Variants in CIITA observed in about 807,000 individuals in gnomAD.
The protein encoded by CIITA is class II major histocompatibility complex transactivator, also known as MHC class II transactivator.
Under a neutral mutation model 115.1 loss-of-function variants are expected in CIITA, and 72 were observed. The observed-to-expected ratio is 0.63, with a 90% CI of 0.52 to 0.76. The LOEUF is 0.76. Among genes scored for constraint, CIITA ranks in the 30% least tolerant of loss-of-function variants. The probability of loss-of-function intolerance (pLI) is 0.00; values close to 1 mark genes in which losing one functional copy is unlikely to be tolerated. For synonymous variants in CIITA, 763 were observed against 635.6 expected (o/e 1.20, Z -3.02); for missense variants, 1,617 against 1,463.8 (o/e 1.10, Z -1.71).
intron 1 of CIITA, among the ~76,000 whole-genome samples, chr16:10,892,302 C>T (rs570345158): frequency 1.3e-4 from 20 of 151,050 alleles, no homozygotes; most frequent in African/African-American, 2.7e-4. Flanking sequence ...CCAGCCTGGG[C>T]GACAGAGTGA....
rs921936727 is a variant in CIITA at position 10,883,040 on chromosome 16, G to T, written c.52+5658G>T. Among the ~76,000 whole-genome samples the T allele has an allele frequency of 1.4e-4, 21 of 152,272 alleles. No homozygotes were observed. In the East Asian group the frequency reaches 3.1e-3, roughly 22 times the overall value. On this transcript the variant is annotated intron_variant, in intron 1 of 19. Coordinates refer to ENST00000324288, the MANE Select transcript of CIITA (RefSeq NM_000246.4). ...TCACAGCCAAGCCTGCCGATGGCTG[G>T]ACTCCGTAGTCAGATCTCAGCAAGC...
Position 10,900,845 on chromosome 16 carries a change from G to C in CIITA, c.437-669G>C, listed in dbSNP as rs188383378. 5.9e-4 allele frequency among the ~76,000 whole-genome samples: 90 copies of C among 152,166 alleles called. 1 individual carries two copies. Among genetic ancestry groups the C allele is most frequent in the Middle Eastern group, 6.8e-3 (2 of 294 alleles). On this transcript the variant is annotated intron_variant, in intron 5 of 19. Coordinates refer to ENST00000324288, the MANE Select transcript of CIITA (RefSeq NM_000246.4). The stretch of plus-strand genomic sequence containing the variant: ...ATTTTGATTCTACAATTAATGTTGG[G>C]TTTTATTCATCTTATCACATCTCTA...
chr16:10,918,710 G>C (rs8056269), intron 16 of CIITA, among the ~76,000 whole-genome samples, 184 bp downstream of exon 16: 92,483 of 152,120 alleles, frequency 0.61, 28,488 homozygotes, highest in East Asian at 0.79. Flanking sequence ...ATTCCTAGCC[G>C]CTGTTTTCTT....
At chr16:10,887,652 C>A (rs577729248) in intron 1 of CIITA, among the ~76,000 whole-genome samples, 1 of 152,172 alleles carries the variant, frequency 6.6e-6, no homozygotes, top group African/African-American at 2.4e-5. Context: ...CCCACCACCA[C>A]GCCCAGCTCA....
In CIITA at chr16:10,877,639, C is replaced by T. The variant is rs144848955; in HGVS notation, c.52+257C>T. Among the ~76,000 whole-genome samples the T allele has an allele frequency of 2.9e-3, 443 of 152,290 alleles. 1 individual carries two copies. Among genetic ancestry groups the T allele is most frequent in the Non-Finnish European group, 5.2e-3 (352 of 68,030 alleles). On this transcript the variant is annotated intron_variant, in intron 1 of 19. Transcript: ENST00000324288. ...CGAAAGGTTCTAGAAGTCAGACTTT[C>T]GGGCAGTGTGTCACTAACTCTCAGC... is the stretch of plus-strand genomic sequence containing the variant.
At chr16:10,866,877 A>T (rs1170214295) in intron 1 of CIITA, among the ~76,000 whole-genome samples, 2 of 152,182 alleles carry the variant, frequency 1.3e-5, no homozygotes, top group African/African-American at 4.8e-5. Context: ...GGATGGACAG[A>T]TCAGCTCCTG....
At chr16:10,908,257 G>T in intron 11 of CIITA, 108 bp downstream of exon 11, 1 of 1,308,818 alleles carries the variant, frequency 7.6e-7, no homozygotes, top group Non-Finnish European at 1.1e-6. Context: ...CAGAGCAGCC[G>T]GGTGGGGCAG....
intron 1 of CIITA, chr16:10,866,428 G>T: frequency 1.8e-6 from 1 of 566,560 alleles, no homozygotes; most frequent in South Asian, 1.4e-5. Flanking sequence ...TCTGCTCCAT[G>T]AGCCTGATAG....
intron 14 of CIITA, 108 bp from the exon 15 acceptor site, chr16:10,916,259 G>C (rs1467107243): frequency 1.0e-5 from 10 of 961,606 alleles, no homozygotes; most frequent in Non-Finnish European, 1.5e-5. Flanking sequence ...ATTAGAGCTG[G>C]GGGGTGGGAA....
At chr16:10,939,353 A>C (rs1194266783), downstream of CIITA, 1 of 152,224 alleles carries the variant, frequency 6.6e-6, no homozygotes, top group Non-Finnish European at 1.5e-5. This position sits in a 1 kb window ranked among gnomAD's most constrained non-coding sequence, Gnocchi z 4.9. Context: ...CAAAATGGGA[A>C]TGGGATTGTG....
chr16:10,881,211 G>A (rs557898908), intron 1 of CIITA, among the ~76,000 whole-genome samples: 4 of 152,060 alleles, frequency 2.6e-5, no homozygotes, highest in South Asian at 2.1e-4. Flanking sequence ...CCCAAGAGGC[G>A]GAGTTTACCC....
chr16:10,895,909 G>A lies in CIITA; in HGVS notation c.295+145G>A, dbSNP rs2144309030. On this transcript the variant is annotated intron_variant, in intron 3 of 19. Transcript: ENST00000324288. The stretch of plus-strand genomic sequence containing the variant: ...AGGGGGATGCGGAGCAATGGCTGGA[G>A]GAACGGAGACTCCAGGGAAGAGAGG... 8 of 835,794 alleles carry A rather than the reference G, an allele frequency of 9.6e-6. No individual in the cohort carries two copies. In the South Asian group the frequency reaches 1.2e-4, roughly 12 times the overall value. 51.8% of individuals were successfully genotyped at this position (835,794 alleles called of 1,614,324 possible).
chr16:10,940,430 A>C (rs563737902), downstream of CIITA: 4 of 152,324 alleles, frequency 2.6e-5, no homozygotes, highest in East Asian at 7.7e-4. This position sits in a 1 kb window ranked among gnomAD's most constrained non-coding sequence, Gnocchi z 4.2. Flanking sequence ...AGAGGGGTGG[A>C]CTCAGCCTGC....
In CIITA at chr16:10,929,580, G is replaced by A; in HGVS notation, c.*5725G>A. 1 of 985,256 alleles carries A rather than the reference G, an allele frequency of 1.0e-6. No individual in the cohort carries two copies. The highest frequency in any genetic ancestry group is 1.2e-6 in the Non-Finnish European group (1 of 829,832). 61.0% of individuals were successfully genotyped at this position (985,256 alleles called of 1,614,324 possible). A position where few individuals can be genotyped will look rare whatever the true frequency, so the allele number is the denominator to read the frequency against. On this transcript the variant is annotated 3_prime_UTR_variant, in exon 20 of 20. Transcript: ENST00000324288. The surrounding 1 kb of genome is among the most constrained non-coding windows in gnomAD (Gnocchi z 4.3). ...CAGGTCTAACAAGAAGGAAAAAGGGGGGTTATTAGCACGGAAGCCCCACCC... is the reference window on the plus strand; with the variant it reads ...CAGGTCTAACAAGAAGGAAAAAGGGAGGTTATTAGCACGGAAGCCCCACCC...
chr16:10,895,278 C>T lies in CIITA; in HGVS notation c.53-4C>T, dbSNP rs2038008926. The T allele has an allele frequency of 6.2e-7, 1 of 1,613,710 alleles. No individual in the cohort carries two copies. The highest frequency in any genetic ancestry group is 1.3e-5 in the African/African-American group (1 of 74,908). On this transcript the variant is annotated splice_polypyrimidine_tract_variant and splice_region_variant and intron_variant, in intron 1 of 19. Coordinates refer to ENST00000324288, the MANE Select transcript of CIITA (RefSeq NM_000246.4). ...AGGTGACTGAGCATTGTCTTCCCTC[C>T]CAGGCAGCTCACAGTGTGCCACCAT... is the stretch of plus-strand genomic sequence containing the variant.
intron 1 of CIITA, among the ~76,000 whole-genome samples, chr16:10,891,142 G>T (rs569510090): frequency 5.9e-4 from 90 of 152,212 alleles, no homozygotes; most frequent in African/African-American, 1.0e-3. Flanking sequence ...TCCTCCCTGC[G>T]GTCCCTCCCA....
At chr16:10,867,543 G>C (rs2035169993) in intron 1 of CIITA, among the ~76,000 whole-genome samples, 1 of 151,942 alleles carries the variant, frequency 6.6e-6, no homozygotes, top group Non-Finnish European at 1.5e-5. Context: ...AAGGGAGAAG[G>C]TGGGGGAAAG....
exon 1 of CIITA, chr16:10,866,294 A>G (rs781539117): frequency 1.8e-6 from 1 of 567,018 alleles, no homozygotes; most frequent in South Asian, 1.4e-5. Context: ...GCTGCCATGA[A>G]CAACTTCCAG....
At chr16:10,881,307 A>AG (rs1225764237) in intron 1 of CIITA, among the ~76,000 whole-genome samples, 3 of 152,146 alleles carry the variant, frequency 2.0e-5, no homozygotes, top group African/African-American at 7.2e-5. Flanking sequence ...GGAAAAAAAA[A>AG]AGAGAGAGAA....
Sources: gnomAD v4.1 joint callset for allele counts (sites outside exome capture counted in the v4.1 genomes callset) on GRCh38, gnomAD v4.1.1 for gene constraint, Gnocchi (gnomAD v3.1) non-coding constraint, MANE v1.5 for transcripts, NCBI Gene and HGNC (gene_info 2026-07-23, HGNC 2026-07-21) for gene names.